The following GAS2L3 variants were observed in gnomAD, a reference collection of about 807,000 sequenced individuals.
The protein encoded by GAS2L3 is growth arrest specific 2 like 3.
Under a neutral mutation model 37.0 loss-of-function variants are expected in GAS2L3, and 28 were observed. The observed-to-expected ratio is 0.76, with a 90% CI of 0.56 to 1.04. The LOEUF is 1.04. GAS2L3 is among the 50% of genes least tolerant of loss of function. The pLI is 0.00. For missense variants in GAS2L3, 793 were observed against 817.6 expected, an observed-to-expected ratio of 0.97 and a Z score of 0.37; for synonymous variants, 290 against 296.6, an observed-to-expected ratio of 0.98 and a Z score of 0.23.
chr12:100,594,175 T>C (rs1445760531), intron 2 of GAS2L3, among the ~76,000 whole-genome samples: 1 of 152,104 alleles, frequency 6.6e-6, no homozygotes, highest in East Asian at 1.9e-4. Context: ...TTTTATAGTC[T>C]ATACTGTTGA....
rs2136618205 is a variant in GAS2L3 at position 100,625,735 on chromosome 12, G to A, written c.*845G>A. 1.3e-5 allele frequency: 2 copies of A among 152,224 alleles called. No individual in the cohort carries two copies. The highest frequency in any genetic ancestry group is 6.8e-3 in the Middle Eastern group (2 of 294). 9.4% of individuals were successfully genotyped at this position (152,224 alleles called of 1,614,324 possible). A position where few individuals can be genotyped will look rare whatever the true frequency, so the allele number is the denominator to read the frequency against. On this transcript the variant is annotated 3_prime_UTR_variant, in exon 10 of 10. Coordinates refer to ENST00000547754, the MANE Select transcript of GAS2L3 (RefSeq NM_174942.3). ...TTTTATAATGTAATTTCCTGTGAGT[G>A]CAGACCTGACATTTTACATTAAAAT...
chr12:100,598,733 C>T (rs147105096), intron 3 of GAS2L3, among the ~76,000 whole-genome samples: 1 of 152,244 alleles, frequency 6.6e-6, no homozygotes, highest in Non-Finnish European at 1.5e-5. Context: ...TCAGTTCAGC[C>T]AGTAGAAGTC....
intron 5 of GAS2L3, among the ~76,000 whole-genome samples, chr12:100,603,087 A>G (rs984935939): frequency 6.6e-6 from 1 of 152,158 alleles, no homozygotes; most frequent in Non-Finnish European, 1.5e-5. Flanking sequence ...GTTATTGAGA[A>G]CAGTGCTTCA....
chr12:100,618,475 T>C lies in GAS2L3; in HGVS notation c.536T>C (p.Val179Ala). ...TACGGGGTTGAGCCACCAGTGTTAG[T>C]AAAACTTGAGAAAGAAATTGAGTTA... ...SRYGVEPPVL[V>A]KLEKEIELEE... The change falls in exon 8 of 10, where the codon GTA becomes GCA. Residue 179 changes from valine to alanine, a missense_variant. Coordinates refer to ENST00000547754, the MANE Select transcript of GAS2L3 (RefSeq NM_174942.3). 1 of 1,611,530 alleles carries C rather than the reference T, an allele frequency of 6.2e-7. No homozygotes were observed. Among genetic ancestry groups the C allele is most frequent in the Non-Finnish European group, 8.5e-7 (1 of 1,178,926 alleles).
At position 100,624,248 on chromosome 12, in the gene GAS2L3, C is replaced by T. The variant is rs1176377867; in HGVS notation, c.1443C>T (p.Ser481=). 1 of 1,613,856 alleles carries T rather than the reference C, an allele frequency of 6.2e-7. No homozygotes were observed. Among genetic ancestry groups the T allele is most frequent in the Non-Finnish European group, 8.5e-7 (1 of 1,179,946 alleles). ...ATTTGAAACATAATCATATTTCTTCCAGAGATAATGCAGTATCTCACTTAG... is the reference window on the plus strand; with the variant it reads ...ATTTGAAACATAATCATATTTCTTCTAGAGATAATGCAGTATCTCACTTAG... ...PKYLKHNHIS[S]RDNAVSHLAA... Residue 481 remains serine (S), a synonymous_variant, in exon 10 of 10, where the codon TCC becomes TCT. Transcript: ENST00000547754.
At chr12:100,590,545 G>A (rs1320275433) in intron 1 of GAS2L3, among the ~76,000 whole-genome samples, 1 of 152,142 alleles carries the variant, frequency 6.6e-6, no homozygotes. Context: ...ACTACCTTTT[G>A]ATCCAGCAAT....
Position 100,624,120 on chromosome 12 carries a change from C to A in GAS2L3, c.1315C>A (p.Pro439Thr). ...GTCACCGAGAAAATGTATTTCATCC[C>A]CCAATACCCCCAAGGCCAAGGTTAT... ...SESPRKCISS[P>T]NTPKAKVIPA... Residue 439 changes from proline to threonine, a missense_variant, in exon 10 of 10, where the codon CCC becomes ACC. Pro to Thr is a conservative substitution (Grantham distance 38). Transcript: ENST00000547754. The A allele has an allele frequency of 6.2e-7, 1 of 1,613,842 alleles. No individual in the cohort carries two copies. The highest frequency in any genetic ancestry group is 1.3e-5 in the African/African-American group (1 of 74,946).
chr12:100,599,476 C>G (rs967149461), intron 3 of GAS2L3, among the ~76,000 whole-genome samples: 9 of 152,116 alleles, frequency 5.9e-5, no homozygotes, highest in African/African-American at 1.4e-4. Flanking sequence ...ATATAACAAC[C>G]ATTTTAAAAT....
chr12:100,619,041 A>C (rs935409465), intron 8 of GAS2L3, among the ~76,000 whole-genome samples: 2 of 152,116 alleles, frequency 1.3e-5, no homozygotes, highest in Admixed American at 1.3e-4. Flanking sequence ...AATATAAGAC[A>C]TATTTAGGAA....
chr12:100,611,946 T>C, intron 5 of GAS2L3, 54 bp from the exon 6 acceptor site: 10 of 1,223,554 alleles, frequency 8.2e-6, no homozygotes, highest in Non-Finnish European at 1.2e-5. Flanking sequence ...AAAATGAATG[T>C]TTAATGAAAG....
At chr12:100,618,201 A>C (rs1468408850) in intron 7 of GAS2L3, among the ~76,000 whole-genome samples, 4 of 152,168 alleles carry the variant, frequency 2.6e-5, no homozygotes, top group Admixed American at 2.6e-4. Flanking sequence ...TTCGAAAGCC[A>C]CCTTTCAGGA....
chr12:100,602,517 A>T (rs1366893699), intron 5 of GAS2L3, among the ~76,000 whole-genome samples: 1 of 151,928 alleles, frequency 6.6e-6, no homozygotes, highest in Non-Finnish European at 1.5e-5. Context: ...TTTTGTGGGT[A>T]CATACTAGGT....
intron 6 of GAS2L3, among the ~76,000 whole-genome samples, chr12:100,613,083 G>A (rs1287524951): frequency 6.6e-6 from 1 of 152,168 alleles, no homozygotes; most frequent in African/African-American, 2.4e-5. Context: ...CAGATGGGCT[G>A]ATCATTATTG....
At position 100,624,767 on chromosome 12, in the gene GAS2L3, A is replaced by C; in HGVS notation, c.1962A>C (p.Ser654=). The C allele has an allele frequency of 1.2e-6, 2 of 1,614,042 alleles. No individual in the cohort carries two copies. The highest frequency in any genetic ancestry group is 1.7e-6 in the Non-Finnish European group (2 of 1,180,014). Residue 654 remains serine (S), a synonymous_variant, in exon 10 of 10, where the codon TCA becomes TCC. Coordinates refer to ENST00000547754, the MANE Select transcript of GAS2L3 (RefSeq NM_174942.3). The part of the protein sequence containing the change: ...GPPRSGKTPA[S]IRKPPSSVKD... ...CCAGAAGTGGCAAAACCCCAGCTTCAATCAGGAAACCACCCTCATCTGTTA... is the reference window on the plus strand; with the variant it reads ...CCAGAAGTGGCAAAACCCCAGCTTCCATCAGGAAACCACCCTCATCTGTTA...
intron 1 of GAS2L3, among the ~76,000 whole-genome samples, chr12:100,575,438 C>A (rs989326115): frequency 6.6e-6 from 1 of 150,488 alleles, no homozygotes; most frequent in Non-Finnish European, 1.5e-5. Context: ...TATTGTTAAA[C>A]CTCTTAGTAA....
chr12:100,587,753 A>G (rs1955798387), intron 1 of GAS2L3, among the ~76,000 whole-genome samples: 1 of 152,298 alleles, frequency 6.6e-6, no homozygotes, highest in Non-Finnish European at 1.5e-5. Context: ...GAAAAGAGAA[A>G]GAAATAAAGG....
intron 6 of GAS2L3, among the ~76,000 whole-genome samples, chr12:100,614,237 G>A (rs1365386551): frequency 2.0e-5 from 3 of 152,140 alleles, no homozygotes; most frequent in African/African-American, 4.8e-5. Context: ...GCTGAGGCAG[G>A]TGGATCACCT....
intron 2 of GAS2L3, among the ~76,000 whole-genome samples, chr12:100,593,103 C>G (rs1409018297): frequency 6.6e-6 from 1 of 152,030 alleles, no homozygotes. Context: ...ACAAAAATAT[C>G]TTGGAAAGAT....
At position 100,579,360 on chromosome 12, in the gene GAS2L3, T is replaced by A. The variant is rs181431812; in HGVS notation, c.-152+5575T>A. On this transcript the variant is annotated intron_variant, in intron 1 of 9. Coordinates refer to ENST00000547754, the MANE Select transcript of GAS2L3 (RefSeq NM_174942.3). ...CTGATTACTGAAATAGTGTCTGTCA[T>A]TCCTAACGCTGTAGATCCTATTGAC... 792 of 739,854 alleles carry A rather than the reference T, an allele frequency of 1.1e-3. 6 individuals are homozygous for A. Among genetic ancestry groups the A allele is most frequent in the Non-Finnish European group, 1.1e-3 (449 of 424,998 alleles). The allele number at this position is 739,854 out of a possible 1,614,324, so 45.8% of individuals were successfully genotyped here.
Sources: allele counts gnomAD v4.1 joint callset (sites outside exome capture counted in the v4.1 genomes callset), GRCh38; gene constraint gnomAD v4.1.1; transcripts MANE v1.5; gene names NCBI Gene and HGNC (gene_info 2026-07-23, HGNC 2026-07-21).